The following SH3BP4 variants were observed in gnomAD, a reference collection of about 807,000 sequenced individuals.
The protein encoded by SH3BP4 is SH3 domain-binding protein 4.
A neutral mutation model predicts 65.5 loss-of-function variants in SH3BP4; 33 were observed. The ratio of observed to expected loss-of-function variants is 0.50; its 90% CI spans 0.38 to 0.67. The LOEUF is 0.67. SH3BP4 is among the 30% of genes least tolerant of loss of function. The pLI, the probability that SH3BP4 is intolerant of heterozygous loss-of-function variation, is 0.00. For missense variants in SH3BP4, 1,134 were observed against 1,261.4 expected (o/e 0.90, Z 1.53); for synonymous variants, 552 against 545.5 (o/e 1.01, Z -0.17).
At chr2:235,017,253 G>A (rs1694716836) in intron 2 of SH3BP4, among the ~76,000 whole-genome samples, 1 of 151,562 alleles carries the variant, frequency 6.6e-6, no homozygotes, top group Non-Finnish European at 1.5e-5. Flanking sequence ...TTCAAGACCA[G>A]CCTGGCCAAG....
intron 1 of SH3BP4, among the ~76,000 whole-genome samples, chr2:234,956,195 G>A (rs1186981667): frequency 6.6e-6 from 1 of 152,206 alleles, no homozygotes; most frequent in Non-Finnish European, 1.5e-5. Flanking sequence ...GGCGAAGCAA[G>A]GTTTATTTGG....
chr2:234,956,411 C>T (rs191201074), intron 1 of SH3BP4, among the ~76,000 whole-genome samples: 1 of 152,292 alleles, frequency 6.6e-6, no homozygotes, highest in East Asian at 1.9e-4. Context: ...CTTATCTGCG[C>T]AATAAAAGCT....
chr2:235,005,216 A>G (rs1694255928), intron 2 of SH3BP4, among the ~76,000 whole-genome samples: 1 of 152,032 alleles, frequency 6.6e-6, no homozygotes, highest in Admixed American at 6.6e-5. Context: ...TGTGCTGGCC[A>G]TGTCTGTCTG....
chr2:235,031,446 A>G (rs1484574929), intron 2 of SH3BP4, among the ~76,000 whole-genome samples: 1 of 152,204 alleles, frequency 6.6e-6, no homozygotes, highest in Admixed American at 6.5e-5. Context: ...AGTAGTTTTC[A>G]AAGAAAACGA....
chr2:235,030,540 G>A lies in SH3BP4; in HGVS notation c.-132-4331G>A, dbSNP rs532342472. 1.1e-4 allele frequency among the ~76,000 whole-genome samples: 17 copies of A among 152,128 alleles called. No individual in the cohort carries two copies. The South Asian group carries it at 2.3e-3, about 20-fold the overall frequency. ...GCGTCCACGTCTGTTGTTAGATGCC[G>A]TTAGAATCCATCGGGGGAAGTGGGT... On this transcript the variant is annotated intron_variant, in intron 2 of 5. Coordinates refer to ENST00000392011, the MANE Select transcript of SH3BP4 (RefSeq NM_014521.3). This position sits in a 1 kb window ranked among gnomAD's most constrained non-coding sequence, Gnocchi z 4.1.
At position 234,985,213 on chromosome 2, in the gene SH3BP4, C is replaced by G. The variant is rs192966962; in HGVS notation, c.-206-10090C>G. ...AAAGATCTACTATAGCTGGCCTTCA[C>G]TTCCACGAAGTCCTCACTTTGTGGC... On this transcript the variant is annotated intron_variant, in intron 1 of 5. Coordinates refer to ENST00000392011, the MANE Select transcript of SH3BP4 (RefSeq NM_014521.3). 2.7e-3 allele frequency among the ~76,000 whole-genome samples: 409 copies of G among 152,278 alleles called. 3 individuals carry two copies. The highest frequency in any genetic ancestry group is 9.6e-3 in the African/African-American group (399 of 41,518).
At position 235,035,090 on chromosome 2, in the gene SH3BP4, T is replaced by C. The variant is rs1446155829; in HGVS notation, c.88T>C (p.Phe30Leu). ...EGTLIDLSEG[F>L]SETSFNDIKV... ...GACCCTGATTGACCTGAGCGAAGGG[T>C]TTTCAGAGACGAGCTTTAATGACAT... The change falls in exon 3 of 6, where the codon TTT becomes CTT. Residue 30 changes from phenylalanine (F) to leucine (L), a missense_variant. Physicochemically the swap from Phe to Leu is conservative, Grantham distance 22. Transcript: ENST00000392011. This position sits in a 1 kb window ranked among gnomAD's most constrained non-coding sequence, Gnocchi z 5.0. 1.9e-6 allele frequency: 3 copies of C among 1,613,834 alleles called. No homozygotes were observed. Among genetic ancestry groups the C allele is most frequent in the African/African-American group, 1.3e-5 (1 of 74,946 alleles).
chr2:234,972,121 T>TG (rs959399960), intron 1 of SH3BP4, among the ~76,000 whole-genome samples: 4 of 145,904 alleles, frequency 2.7e-5, no homozygotes, highest in Admixed American at 6.8e-5. Context: ...GGCCTTTTTT[T>TG]TTTTTGTTTT....
chr2:235,013,625 C>T (rs1694592084), intron 2 of SH3BP4, among the ~76,000 whole-genome samples: 1 of 152,232 alleles, frequency 6.6e-6, no homozygotes, highest in Admixed American at 6.5e-5. Context: ...CCCAATGTAA[C>T]TGTTGGACTG....
At chr2:235,021,537 T>TG (rs1201973362) in intron 2 of SH3BP4, among the ~76,000 whole-genome samples, 18 of 150,958 alleles carry the variant, frequency 1.2e-4, no homozygotes, top group African/African-American at 4.9e-5. Context: ...GAGAATCCCT[T>TG]GAACTTAGGA....
intron 2 of SH3BP4, among the ~76,000 whole-genome samples, chr2:235,007,725 G>A (rs1694342141): frequency 6.6e-6 from 1 of 152,122 alleles, no homozygotes; most frequent in African/African-American, 2.4e-5. Flanking sequence ...TTGAGAGGCT[G>A]CGGCCATCCT....
In SH3BP4 at chr2:235,036,740, A is replaced by AATAATAATAATAATAATAAT. The variant is rs1553567013; in HGVS notation, c.118+1621_118+1622insTAATAATAATAATAATAATA. On this transcript the variant is annotated intron_variant, in intron 3 of 5. Transcript: ENST00000392011. ...ACTGCACTCTGAGACTCTATATAAA[A>AATAATAATAATAATAATAAT]AATAATAATAATAATAATGACAGTG... 1.8e-3 allele frequency among the ~76,000 whole-genome samples: 251 copies of AATAATAATAATAATAATAAT among 141,770 alleles called. 3 individuals carry two copies. The South Asian group carries it at 0.038, about 22-fold the overall frequency. 93.0% of individuals were successfully genotyped at this position (141,770 alleles called of 152,430 possible).
chr2:235,051,916 A>G (rs960261954), intron 4 of SH3BP4, among the ~76,000 whole-genome samples: 3 of 152,100 alleles, frequency 2.0e-5, no homozygotes, highest in African/African-American at 7.2e-5. Flanking sequence ...TGACAACTCT[A>G]ATCCATATTC....
chr2:235,008,274 G>A (rs1694365540), intron 2 of SH3BP4, among the ~76,000 whole-genome samples: 1 of 152,142 alleles, frequency 6.6e-6, no homozygotes, highest in African/African-American at 2.4e-5. Context: ...CCTGGGTTGG[G>A]ACAGCCCCTT....
chr2:234,985,806 C>T (rs1248152569), intron 1 of SH3BP4, among the ~76,000 whole-genome samples: 1 of 151,314 alleles, frequency 6.6e-6, no homozygotes, highest in African/African-American at 2.4e-5. Context: ...CAGCCTGTGA[C>T]ACACGCCTAC....
intron 2 of SH3BP4, among the ~76,000 whole-genome samples, chr2:235,015,209 C>T (rs558407468): frequency 6.6e-6 from 1 of 152,354 alleles, no homozygotes; most frequent in Admixed American, 6.5e-5. Context: ...TAATTCTTTG[C>T]ATTCCAGACC....
Position 235,034,719 on chromosome 2 carries a change from G to C in SH3BP4, c.-132-152G>C, listed in dbSNP as rs1376022773. Among the ~76,000 whole-genome samples, 1 of 152,192 alleles carries C rather than the reference G, an allele frequency of 6.6e-6. No individual in the cohort carries two copies. Among genetic ancestry groups the C allele is most frequent in the Non-Finnish European group, 1.5e-5 (1 of 68,042 alleles). On this transcript the variant is annotated intron_variant, in intron 2 of 5. Transcript: ENST00000392011. This position sits in a 1 kb window ranked among gnomAD's most constrained non-coding sequence, Gnocchi z 6.2. The stretch of plus-strand genomic sequence containing the variant: ...TGGGCACAGAGGCCAAGGAGCAAGC[G>C]CTGCTCTGCTCTGTTGGGCCAGGAA...
In SH3BP4 at chr2:235,015,442, C is replaced by T. The variant is rs75375517; in HGVS notation, c.-132-19429C>T. On this transcript the variant is annotated intron_variant, in intron 2 of 5. Transcript: ENST00000392011. ...GAGCCCTCGCTGCTGTTGTCCCTCC[C>T]TATGGTCGATGGGGACAGTGAGGCA... Among the ~76,000 whole-genome samples the T allele has an allele frequency of 6.7e-3, 1,020 of 152,332 alleles. 9 individuals carry two copies. The highest frequency in any genetic ancestry group is 0.024 in the African/African-American group (982 of 41,582).
intron 1 of SH3BP4, chr2:234,994,510 C>T (rs910507426): frequency 2.6e-5 from 4 of 151,936 alleles, no homozygotes; most frequent in Admixed American, 6.6e-5. Context: ...GGGAGGGCGT[C>T]GTGGTGGCAC....
Sources: allele counts gnomAD v4.1 joint callset (sites outside exome capture counted in the v4.1 genomes callset), GRCh38; gene constraint gnomAD v4.1.1; non-coding constraint Gnocchi (gnomAD v3.1); transcripts MANE v1.5; gene names NCBI Gene and HGNC (gene_info 2026-07-23, HGNC 2026-07-21).